PLAAT4: variants seen among roughly 807,000 people sequenced by gnomAD.
PLAAT4 encodes HRAS-like suppressor 4.
A neutral mutation model predicts 14.1 loss-of-function variants in PLAAT4; 12 were observed. That is an observed-to-expected ratio of 0.85 (90% confidence interval 0.54 to 1.37). PLAAT4 has a LOEUF of 1.37. PLAAT4 is among the 40% of genes most tolerant of loss of function. PLAAT4 has a pLI of 0.00. For synonymous variants in PLAAT4, 77 were observed against 79.8 expected, an observed-to-expected ratio of 0.96 and a Z score of 0.19; for missense variants, 163 against 211.7, an observed-to-expected ratio of 0.77 and a Z score of 1.43.
chr11:63,540,168 A>T (rs773497469), intron 2 of PLAAT4, among the ~76,000 whole-genome samples: 2 of 152,224 alleles, frequency 1.3e-5, no homozygotes, highest in Non-Finnish European at 2.9e-5. Flanking sequence ...CTGCTTCAGC[A>T]TTGGGATCTC....
At chr11:63,539,494 A>G (rs752930191) in intron 1 of PLAAT4, 22 bp from the exon 2 acceptor site, 55 of 1,600,830 alleles carry the variant, frequency 3.4e-5, no homozygotes, top group Non-Finnish European at 4.2e-5. Context: ...CGGGTACTCC[A>G]TCTCTGGCTT....
intron 1 of PLAAT4, 137 bp from the exon 2 acceptor site, chr11:63,539,379 A>C (rs922900174): frequency 4.2e-6 from 3 of 716,882 alleles, no homozygotes; most frequent in African/African-American, 1.8e-5. Context: ...AAGTGACAGC[A>C]GGGCTGAGGA....
At position 63,539,547 on chromosome 11, in the gene PLAAT4, T is replaced by A. The variant is rs1241494109; in HGVS notation, c.41T>A (p.Ile14Asn). The A allele has an allele frequency of 1.2e-6, 2 of 1,613,960 alleles. No homozygotes were observed. The highest frequency in any genetic ancestry group is 1.7e-5 in the Admixed American group (1 of 60,006). ...CAAGAGCCCAAACCTGGAGACCTGA[T>A]TGAGATTTTCCGCCTTGGCTATGAG... ...PHQEPKPGDLIEIFRLGYEHW... is the reference protein window; with the variant it reads ...PHQEPKPGDLNEIFRLGYEHW... The change falls in exon 2 of 4, where the codon ATT becomes AAT. Residue 14 changes from isoleucine (I) to asparagine (N), a missense_variant. By Grantham distance (149) the Ile-to-Asn change is moderately radical. Coordinates refer to ENST00000255688, the MANE Select transcript of PLAAT4 (RefSeq NM_004585.5).
intron 2 of PLAAT4, among the ~76,000 whole-genome samples, chr11:63,543,497 G>T (rs1181003983): frequency 2.0e-5 from 3 of 152,204 alleles, no homozygotes; most frequent in African/African-American, 7.2e-5. Flanking sequence ...GTAGAGACAG[G>T]TCTCGCCATG....
At chr11:63,544,107 A>C (rs1307005130) in intron 2 of PLAAT4, among the ~76,000 whole-genome samples, 2 of 152,216 alleles carry the variant, frequency 1.3e-5, no homozygotes, top group African/African-American at 4.8e-5. Flanking sequence ...TTTTTCCGAA[A>C]CACAAGTGTA....
At chr11:63,542,256 T>C (rs1315399930) in intron 2 of PLAAT4, among the ~76,000 whole-genome samples, 2 of 152,218 alleles carry the variant, frequency 1.3e-5, no homozygotes, top group Non-Finnish European at 2.9e-5. Flanking sequence ...GGTGATTTTT[T>C]TTCTTCCTCT....
intron 3 of PLAAT4, among the ~76,000 whole-genome samples, chr11:63,545,768 A>C (rs1452525930): frequency 6.6e-6 from 1 of 151,920 alleles, no homozygotes; most frequent in Non-Finnish European, 1.5e-5. Flanking sequence ...CCCAGACTGC[A>C]AAATAGTCCC....
At chr11:63,536,970 C>T in intron 1 of PLAAT4, 93 bp downstream of exon 1, 1 of 1,439,916 alleles carries the variant, frequency 6.9e-7, no homozygotes, top group Non-Finnish European at 9.5e-7. Flanking sequence ...GCCTTGGGCA[C>T]ACAGCTCCAG....
Position 63,545,326 on chromosome 11 carries a change from C to A in PLAAT4, c.387+437C>A, listed in dbSNP as rs190394504. Reference sequence around the variant, plus strand: ...TGTAAGATCTGGGCACAGCCTCCATCCCTTGCCCCTTCACAGTCTTTCACA... The same window carrying A: ...TGTAAGATCTGGGCACAGCCTCCATACCTTGCCCCTTCACAGTCTTTCACA... On this transcript the variant is annotated intron_variant, in intron 3 of 3. Coordinates refer to ENST00000255688, the MANE Select transcript of PLAAT4 (RefSeq NM_004585.5). 938 of 301,972 alleles carry A rather than the reference C, an allele frequency of 3.1e-3. 7 individuals carry two copies. The highest frequency in any genetic ancestry group is 4.5e-3 in the Non-Finnish European group (722 of 161,032). The allele number at this position is 301,972 out of a possible 1,614,324, so 18.7% of individuals were successfully genotyped here.
intron 3 of PLAAT4, 48 bp from the exon 4 acceptor site, chr11:63,546,101 C>G (rs765919879): frequency 2.0e-6 from 3 of 1,515,960 alleles, no homozygotes; most frequent in Non-Finnish European, 2.7e-6. Flanking sequence ...GGAGAAAGTG[C>G]CAGCCTGGCT....
At chr11:63,545,133 C>G in intron 3 of PLAAT4, 1 of 610,968 alleles carries the variant, frequency 1.6e-6, no homozygotes, top group East Asian at 2.7e-5. Flanking sequence ...CTCTGAGGAT[C>G]CTTCCCCTCT....
At chr11:63,545,279 T>G in intron 3 of PLAAT4, 1 of 438,016 alleles carries the variant, frequency 2.3e-6, no homozygotes. Flanking sequence ...TGGACCTGTG[T>G]AAGAGCTCAA....
intron 2 of PLAAT4, 87 bp from the exon 3 acceptor site, chr11:63,544,534 A>G: frequency 7.0e-7 from 1 of 1,425,300 alleles, no homozygotes; most frequent in Admixed American, 2.2e-5. Flanking sequence ...GTGAAAGGAT[A>G]AACACCAGTA....
chr11:63,536,868 G>C lies in PLAAT4; in HGVS notation c.-1G>C. ...GCACCAGACCTCCTCTTGGCTTCGA[G>C]ATGGCTTCGGTAAGTTTCCCAGGGC... On this transcript the variant is annotated 5_prime_UTR_variant, in exon 1 of 4. Transcript: ENST00000255688. The C allele has an allele frequency of 6.2e-7, 1 of 1,612,616 alleles. No homozygotes were observed. The highest frequency in any genetic ancestry group is 8.5e-7 in the Non-Finnish European group (1 of 1,179,296).
chr11:63,545,423 G>A, intron 3 of PLAAT4: 1 of 183,868 alleles, frequency 5.4e-6, no homozygotes, highest in Non-Finnish European at 1.2e-5. Context: ...CCTTTCTAGA[G>A]TCTCTGCCTG....
At chr11:63,545,904 C>T (rs1002239996) in intron 3 of PLAAT4, among the ~76,000 whole-genome samples, 1 of 152,136 alleles carries the variant, frequency 6.6e-6, no homozygotes, top group Non-Finnish European at 1.5e-5. Flanking sequence ...ATTCTCAGGA[C>T]AAGCCCAGAC....
chr11:63,542,065 TC>T (rs1432598273), intron 2 of PLAAT4, among the ~76,000 whole-genome samples: 7 of 152,214 alleles, frequency 4.6e-5, no homozygotes, highest in Admixed American at 4.6e-4. Context: ...ATATAAAAGC[TC>T]CTGACTCCTT....
chr11:63,539,566 C>T lies in PLAAT4; in HGVS notation c.60C>T (p.Gly20=). ...ACCTGATTGAGATTTTCCGCCTTGG[C>T]TATGAGCACTGGGCCCTGTATATAG... The part of the protein sequence containing the change: ...PGDLIEIFRL[G]YEHWALYIGD... Residue 20 remains glycine (G), a synonymous_variant, in exon 2 of 4, where the codon GGC becomes GGT. Coordinates refer to ENST00000255688, the MANE Select transcript of PLAAT4 (RefSeq NM_004585.5). The T allele has an allele frequency of 1.2e-6, 2 of 1,614,094 alleles. No homozygotes were observed. Among genetic ancestry groups the T allele is most frequent in the Non-Finnish European group, 1.7e-6 (2 of 1,179,960 alleles).
chr11:63,545,752 G>A (rs922754754), intron 3 of PLAAT4, among the ~76,000 whole-genome samples: 1 of 151,978 alleles, frequency 6.6e-6, no homozygotes, highest in South Asian at 2.1e-4. Context: ...TGTAGCTCAG[G>A]GAGGACCCAG....
Sources: allele counts gnomAD v4.1 joint callset (sites outside exome capture counted in the v4.1 genomes callset), GRCh38; gene constraint gnomAD v4.1.1; transcripts MANE v1.5; gene names NCBI Gene and HGNC (gene_info 2026-07-23, HGNC 2026-07-21).